Variants in SLC35E4 observed in about 807,000 individuals in gnomAD.
SLC35E4 encodes the protein solute carrier family 35, member E4.
Under a neutral mutation model 19.3 loss-of-function variants are expected in SLC35E4, and 15 were observed. That is an observed-to-expected ratio of 0.78 (90% CI 0.52 to 1.20). The LOEUF (loss-of-function observed/expected upper bound fraction) is 1.20. Ranked by LOEUF, SLC35E4 falls within the 50% of genes most tolerant of loss-of-function variation. The pLI is 0.00. For synonymous variants in SLC35E4, 219 were observed against 219.9 expected (o/e 1.00, Z 0.04); for missense variants, 406 against 472.3 (o/e 0.86, Z 1.30).
chr22:30,651,427 A>ATT (rs1160256288), downstream of SLC35E4, among the ~76,000 whole-genome samples: 71 of 22,160 alleles, frequency 3.2e-3, 8 homozygotes, highest in Non-Finnish European at 4.6e-3. Flanking sequence ...ATATATATAT[A>ATT]TTTTTTTTTT....
chr22:30,638,224 G>A (rs1277216510), intron 1 of SLC35E4, among the ~76,000 whole-genome samples: 16 of 151,750 alleles, frequency 1.1e-4, no homozygotes, highest in African/African-American at 2.7e-4. Context: ...AATTGGGGCC[G>A]GGCGCGGTGT....
chr22:30,642,725 A>G (rs750019251), intron 1 of SLC35E4, among the ~76,000 whole-genome samples: 138 of 114,570 alleles, frequency 1.2e-3, no homozygotes, highest in Non-Finnish European at 2.4e-3. Flanking sequence ...CCTGGGCAAC[A>G]TCTCAAAAAA....
chr22:30,648,388 A>C (rs569851762), downstream of SLC35E4, among the ~76,000 whole-genome samples: 1 of 152,034 alleles, frequency 6.6e-6, no homozygotes, highest in East Asian at 1.9e-4. Flanking sequence ...TTCCTACAAC[A>C]ACCTCCTCCC....
At chr22:30,651,371 TTG>T (rs1555899346), downstream of SLC35E4, among the ~76,000 whole-genome samples, 302 of 41,156 alleles carry the variant, frequency 7.3e-3, 2 homozygotes, top group Middle Eastern at 0.013. Flanking sequence ...TGGCTAATTT[TTG>T]TGTGTGTGTG....
chr22:30,643,132 C>G (rs898652356), intron 1 of SLC35E4, among the ~76,000 whole-genome samples: 1 of 151,996 alleles, frequency 6.6e-6, no homozygotes, highest in Non-Finnish European at 1.5e-5. Context: ...GCCCAGGGAG[C>G]CTGCACAAGG....
At chr22:30,661,444 C>CTTTTTTTTTTTTT (rs56242112) in intron 2 of SLC35E4, 27 of 136,462 alleles carry the variant, frequency 2.0e-4, no homozygotes, top group Non-Finnish European at 3.3e-4. Context: ...TTTTCTTTTT[C>CTTTTTTTTTTTTT]TTTTTTTTTT....
At chr22:30,639,203 G>T (rs2087996918) in intron 1 of SLC35E4, among the ~76,000 whole-genome samples, 1 of 152,134 alleles carries the variant, frequency 6.6e-6, no homozygotes, top group Non-Finnish European at 1.5e-5. Context: ...TCATATGTCG[G>T]CAGGTTCCGT....
intron 2 of SLC35E4, chr22:30,654,428 G>C (rs932217822): frequency 2.0e-5 from 9 of 448,698 alleles, no homozygotes; most frequent in Admixed American, 1.7e-4. Context: ...GTAGGCTTCA[G>C]ATGCACAACC....
chr22:30,638,702 C>T (rs1358687425), intron 1 of SLC35E4, among the ~76,000 whole-genome samples: 1 of 152,046 alleles, frequency 6.6e-6, no homozygotes, highest in Non-Finnish European at 1.5e-5. Flanking sequence ...ATCCCAGCTA[C>T]TCAGGAGGCT....
At chr22:30,660,324 AAC>A (rs1402614669) in intron 2 of SLC35E4, among the ~76,000 whole-genome samples, 2 of 152,020 alleles carry the variant, frequency 1.3e-5, no homozygotes, top group African/African-American at 4.8e-5. Flanking sequence ...TTTTTTTTGA[AAC>A]ACAGTCTCAC....
exon 3 of SLC35E4, chr22:30,668,422 T>G (rs1245914177): frequency 6.6e-6 from 1 of 151,916 alleles, no homozygotes; most frequent in East Asian, 1.9e-4. Context: ...CCCAGGGGAG[T>G]CTGGATTTCT....
downstream of SLC35E4, chr22:30,663,359 T>G (rs916130083): frequency 1.4e-6 from 2 of 1,395,484 alleles, no homozygotes; most frequent in Admixed American, 4.5e-5. Context: ...AAAAGTAGAA[T>G]GTTCAAGTTT....
chr22:30,646,767 C>G lies in SLC35E4; in HGVS notation c.789C>G (p.Leu263=). The G allele has an allele frequency of 6.2e-7, 1 of 1,614,124 alleles. No homozygotes were observed. Among genetic ancestry groups the G allele is most frequent in the Non-Finnish European group, 8.5e-7 (1 of 1,180,024 alleles). The change falls in exon 2 of 2, where the codon CTC becomes CTG. Residue 263 remains leucine (L), a synonymous_variant. Transcript: ENST00000343605. ...RLWACILLSC[L]LSVLYNLASF... ...GGGCCTGCATCCTGCTCAGCTGCCT[C>G]CTGTCTGTTCTCTATAACCTGGCCA...
downstream of SLC35E4, chr22:30,663,398 C>G (rs893125735): frequency 5.8e-6 from 9 of 1,563,324 alleles, no homozygotes; most frequent in African/African-American, 1.4e-5. Context: ...AACAATAGAT[C>G]TGTACCTCTG....
At chr22:30,666,188 T>C (rs2088651852), downstream of SLC35E4, among the ~76,000 whole-genome samples, 1 of 151,998 alleles carries the variant, frequency 6.6e-6, no homozygotes, top group Non-Finnish European at 1.5e-5. Flanking sequence ...TGAACTGATG[T>C]CCCCCCAAAC....
rs2088150105 is a variant in SLC35E4, at chr22:30,647,247, A to T, written c.*216A>T. On this transcript the variant is annotated 3_prime_UTR_variant, in exon 2 of 2. Transcript: ENST00000343605. ...ACCTCATCTCTACTAAAAATAGAAA[A>T]ATTAGCTGGGCATGGTGGCGCGTGC... The T allele has an allele frequency of 1.7e-6, 1 of 598,826 alleles. No homozygotes were observed. The highest frequency in any genetic ancestry group is 3.2e-5 in the Admixed American group (1 of 31,044). 37.1% of individuals were successfully genotyped at this position (598,826 alleles called of 1,614,324 possible).
Position 30,655,789 on chromosome 22 carries a change from A to C in SLC35E4, c.*9-6271A>C, listed in dbSNP as rs193111569. Among the ~76,000 whole-genome samples, 8 of 152,280 alleles carry C rather than the reference A, an allele frequency of 5.3e-5. No homozygotes were observed. In the East Asian group the frequency reaches 1.6e-3, roughly 30 times the overall value. On this transcript the variant is annotated intron_variant, in intron 2 of 2. Transcript: ENST00000406566. ...CATTTAACAGAGTAAGCAAAATTTC[A>C]GAAAAATTCCAGGGTCTGCCTGAAG...
At chr22:30,660,573 T>C (rs183534075) in intron 2 of SLC35E4, among the ~76,000 whole-genome samples, 3 of 152,306 alleles carry the variant, frequency 2.0e-5, no homozygotes, top group Admixed American at 1.3e-4. Context: ...CAGGACAGTA[T>C]GGTACAGAAA....
chr22:30,659,539 A>G (rs553069085), intron 2 of SLC35E4, among the ~76,000 whole-genome samples: 3 of 152,018 alleles, frequency 2.0e-5, no homozygotes, highest in African/African-American at 7.2e-5. Context: ...ACATCCAGCT[A>G]ATTTTTTGTA....
Sources: allele counts gnomAD v4.1 joint callset (sites outside exome capture counted in the v4.1 genomes callset), GRCh38; gene constraint gnomAD v4.1.1; transcripts MANE v1.5; gene names NCBI Gene and HGNC (gene_info 2026-07-23, HGNC 2026-07-21).